The following CNTN4 variants were observed in gnomAD, a reference collection of about 807,000 sequenced individuals.
The protein encoded by CNTN4 is contactin 4, also known as contactin-4.
A neutral mutation model predicts 122.5 loss-of-function variants in CNTN4; 77 were observed. The observed-to-expected ratio is 0.63, with a 90% CI of 0.52 to 0.76. CNTN4 has a LOEUF of 0.76. Among genes scored for constraint, CNTN4 ranks in the 30% least tolerant of loss-of-function variants. The pLI is 0.00. For missense variants in CNTN4, 1,256 were observed against 1,259.1 expected, an observed-to-expected ratio of 1.00 and a Z score of 0.04; for synonymous variants, 512 against 447.0, an observed-to-expected ratio of 1.15 and a Z score of -1.83.
intron 6 of CNTN4, among the ~76,000 whole-genome samples, chr3:2,768,474 C>T (rs920767264): frequency 2.6e-5 from 4 of 152,276 alleles, no homozygotes; most frequent in Middle Eastern, 3.4e-3. Flanking sequence ...GAAGTATTTA[C>T]TAGATTTGTA....
At chr3:3,012,742 G>T (rs913658344) in intron 14 of CNTN4, among the ~76,000 whole-genome samples, 1 of 152,126 alleles carries the variant, frequency 6.6e-6, no homozygotes, top group Non-Finnish European at 1.5e-5. Context: ...GCGGAGGCGG[G>T]CAGATCACCT....
At chr3:2,504,977 A>G (rs2076695222) in intron 3 of CNTN4, among the ~76,000 whole-genome samples, 1 of 152,200 alleles carries the variant, frequency 6.6e-6, no homozygotes, top group African/African-American at 2.4e-5. Context: ...AACAGGAAAC[A>G]AACAAAAAGA....
chr3:2,309,300 A>C (rs1153483), intron 2 of CNTN4, among the ~76,000 whole-genome samples: 1 of 151,856 alleles, frequency 6.6e-6, no homozygotes, highest in Non-Finnish European at 1.5e-5. Flanking sequence ...TACTGTTTGC[A>C]TATGTCCTTT....
At chr3:2,347,185 A>C (rs2044427834) in intron 3 of CNTN4, among the ~76,000 whole-genome samples, 1 of 152,182 alleles carries the variant, frequency 6.6e-6, no homozygotes, top group South Asian at 2.1e-4. Flanking sequence ...TAAAACAAGA[A>C]AAGTTTATTT....
chr3:2,170,194 C>T (rs2036428462), intron 2 of CNTN4, among the ~76,000 whole-genome samples: 1 of 146,384 alleles, frequency 6.8e-6, no homozygotes, highest in Non-Finnish European at 1.5e-5. Flanking sequence ...GGTGGCGGCG[C>T]CTGTAGTCCC....
At chr3:2,866,607 A>T in intron 7 of CNTN4, 145 bp from the exon 8 acceptor site, 1 of 1,106,330 alleles carries the variant, frequency 9.0e-7, no homozygotes, top group Non-Finnish European at 1.3e-6. Flanking sequence ...GGGGACTGTG[A>T]TTACTTCCTA....
At chr3:2,964,692 A>C (rs2125038869) in intron 13 of CNTN4, among the ~76,000 whole-genome samples, 1 of 152,344 alleles carries the variant, frequency 6.6e-6, no homozygotes, top group Non-Finnish European at 1.5e-5. Context: ...AGTTGTAAGC[A>C]AGTGTAGCAC....
At chr3:2,125,608 G>T (rs2034097419) in intron 2 of CNTN4, among the ~76,000 whole-genome samples, 1 of 148,652 alleles carries the variant, frequency 6.7e-6, no homozygotes, top group Non-Finnish European at 1.5e-5. Context: ...ACCCAGGCTG[G>T]AGTTCAGTGG....
chr3:2,136,703 A>G (rs2034708837), intron 2 of CNTN4, among the ~76,000 whole-genome samples: 1 of 152,194 alleles, frequency 6.6e-6, no homozygotes, highest in Non-Finnish European at 1.5e-5. Flanking sequence ...TAAAAAAAAA[A>G]AAAGAAATCC....
chr3:2,132,682 A>G (rs1205524267), intron 2 of CNTN4, among the ~76,000 whole-genome samples: 1 of 152,236 alleles, frequency 6.6e-6, no homozygotes, highest in Non-Finnish European at 1.5e-5. Context: ...TTAGTGCAGG[A>G]GTTTAAAACA....
intron 4 of CNTN4, among the ~76,000 whole-genome samples, chr3:2,585,138 A>G (rs1214930792): frequency 6.6e-6 from 1 of 152,182 alleles, no homozygotes; most frequent in East Asian, 1.9e-4. Flanking sequence ...TAAAAGTCCT[A>G]AGCAAATTTT....
intron 2 of CNTN4, among the ~76,000 whole-genome samples, chr3:2,186,792 AGTTT>A (rs1395779792): frequency 6.6e-6 from 1 of 151,888 alleles, no homozygotes; most frequent in Non-Finnish European, 1.5e-5. Flanking sequence ...TTTTCTTATA[AGTTT>A]GTTTAAGTTC....
intron 6 of CNTN4, among the ~76,000 whole-genome samples, chr3:2,799,837 A>G (rs1263925900): frequency 6.6e-6 from 1 of 152,106 alleles, no homozygotes; most frequent in South Asian, 2.1e-4. Flanking sequence ...GTCCAGTTTC[A>G]TTCTCTTGCA....
chr3:2,607,440 G>C (rs931821212), intron 4 of CNTN4, among the ~76,000 whole-genome samples: 2 of 152,012 alleles, frequency 1.3e-5, no homozygotes, highest in African/African-American at 2.4e-5. Context: ...TCATATAATG[G>C]AATATTGCAT....
chr3:2,512,100 C>A (rs545620214), intron 3 of CNTN4, among the ~76,000 whole-genome samples: 93 of 151,904 alleles, frequency 6.1e-4, no homozygotes, highest in Non-Finnish European at 1.1e-3. Flanking sequence ...GCCTGTATTT[C>A]CAGAATTTAA....
chr3:2,302,578 A>C (rs1240527616), intron 2 of CNTN4, among the ~76,000 whole-genome samples: 14 of 152,204 alleles, frequency 9.2e-5, no homozygotes. Flanking sequence ...AAATGCAATA[A>C]TATTTTCTCA....
chr3:2,700,481 A>T (rs1014924), intron 4 of CNTN4, among the ~76,000 whole-genome samples: 72,804 of 152,072 alleles, frequency 0.48, 18,286 homozygotes, highest in Non-Finnish European at 0.56. Context: ...GTTGAATCTT[A>T]GACTAGAGGC....
intron 2 of CNTN4, among the ~76,000 whole-genome samples, chr3:2,143,822 T>C (rs1344992363): frequency 6.6e-6 from 1 of 152,218 alleles, no homozygotes; most frequent in African/African-American, 2.4e-5. Context: ...AGTTCCTACA[T>C]TGCCATGAGC....
At chr3:2,241,024 G>A (rs1302233489) in intron 2 of CNTN4, among the ~76,000 whole-genome samples, 1 of 151,968 alleles carries the variant, frequency 6.6e-6, no homozygotes, top group African/African-American at 2.4e-5. Context: ...GGCAAAGGGC[G>A]GTTTGCAGCA....
Sources: gnomAD v4.1 joint callset for allele counts (sites outside exome capture counted in the v4.1 genomes callset) on GRCh38, gnomAD v4.1.1 for gene constraint, MANE v1.5 for transcripts, NCBI Gene and HGNC (gene_info 2026-07-23, HGNC 2026-07-21) for gene names.